Variants in NARS2 observed in about 807,000 individuals in gnomAD.
NARS2 encodes the protein asparaginyl-tRNA synthetase.
In NARS2, 60 loss-of-function variants were observed where a neutral mutation model predicts 62.9. The observed-to-expected ratio is 0.95, with a 90% CI of 0.77 to 1.18. The LOEUF (loss-of-function observed/expected upper bound fraction) is 1.18. NARS2 is among the 50% of genes most tolerant of loss of function. NARS2 has a pLI of 0.00. For synonymous variants in NARS2, 196 were observed against 200.0 expected, an observed-to-expected ratio of 0.98 and a Z score of 0.17; for missense variants, 619 against 576.4, an observed-to-expected ratio of 1.07 and a Z score of -0.76.
chr11:78,439,162 G>A (rs890138268), intron 13 of NARS2, among the ~76,000 whole-genome samples: 1 of 151,694 alleles, frequency 6.6e-6, no homozygotes, highest in East Asian at 1.9e-4. Flanking sequence ...CTCAGCCTCC[G>A]GAGTAGCTGG....
intron 6 of NARS2, among the ~76,000 whole-genome samples, chr11:78,523,733 C>T (rs1355410145): frequency 6.6e-6 from 1 of 152,138 alleles, no homozygotes; most frequent in Admixed American, 6.5e-5. Flanking sequence ...CTGTGTGATT[C>T]TATCTATATA....
intron 5 of NARS2, among the ~76,000 whole-genome samples, chr11:78,554,057 C>T (rs867985119): frequency 6.6e-5 from 10 of 152,072 alleles, no homozygotes; most frequent in East Asian, 5.8e-4. Flanking sequence ...CATAGATGTG[C>T]GGCCTTATTT....
chr11:78,436,951 CCA>C, intron 13 of NARS2, 137 bp from the exon 14 acceptor site: 1 of 797,272 alleles, frequency 1.3e-6, no homozygotes, highest in Admixed American at 2.7e-5. Flanking sequence ...TCTTTCCCCT[CCA>C]CAGACAGACA....
At chr11:78,499,774 G>C (rs1860214967) in intron 6 of NARS2, among the ~76,000 whole-genome samples, 1 of 152,174 alleles carries the variant, frequency 6.6e-6, no homozygotes, top group African/African-American at 2.4e-5. Flanking sequence ...CTTCATTCCT[G>C]CAACAATGGA....
At chr11:78,532,124 T>C (rs1861502274) in intron 5 of NARS2, among the ~76,000 whole-genome samples, 2 of 152,214 alleles carry the variant, frequency 1.3e-5, no homozygotes, top group African/African-American at 4.8e-5. Context: ...GATTGTAATC[T>C]TAAATTTGTA....
At chr11:78,441,570 G>T (rs1857577335) in intron 12 of NARS2, among the ~76,000 whole-genome samples, 2 of 152,100 alleles carry the variant, frequency 1.3e-5, no homozygotes, top group South Asian at 4.1e-4. Context: ...AATTAGCTGG[G>T]TGTGGTGGTG....
intron 10 of NARS2, 133 bp from the exon 11 acceptor site, chr11:78,466,146 G>C: frequency 1.2e-6 from 1 of 858,608 alleles, no homozygotes; most frequent in Non-Finnish European, 1.8e-6. Context: ...TAGCTGCTAA[G>C]GTTACACAGC....
intron 10 of NARS2, among the ~76,000 whole-genome samples, chr11:78,467,786 T>C (rs1858685067): frequency 6.6e-6 from 1 of 152,078 alleles, no homozygotes; most frequent in Non-Finnish European, 1.5e-5. Flanking sequence ...TATGATAATC[T>C]GTTACACAAT....
rs184118063 is a variant in NARS2 at position 78,436,470 on chromosome 11, C to T, written c.*200G>A. 13 of 585,416 alleles carry T rather than the reference C, an allele frequency of 2.2e-5. No homozygotes were observed. Among genetic ancestry groups the T allele is most frequent in the East Asian group, 1.7e-4 (6 of 34,580 alleles). The allele number at this position is 585,416 out of a possible 1,614,324, so 36.3% of individuals were successfully genotyped here. A position where few individuals can be genotyped will look rare whatever the true frequency, so the allele number is the denominator to read the frequency against. On this transcript the variant is annotated 3_prime_UTR_variant, in exon 14 of 14. Transcript: ENST00000281038. ...CCCTTGCTATAAGTACCTCTTCTTG[C>T]GGGAGCTCATCCTTACGTGAAATAC...
intron 7 of NARS2, 29 bp from the exon 8 acceptor site, chr11:78,478,712 C>T (rs770924309): frequency 7.0e-7 from 1 of 1,434,540 alleles, no homozygotes; most frequent in Non-Finnish European, 9.6e-7. Flanking sequence ...AATCACCTGA[C>T]ACGTAAGCAA....
intron 5 of NARS2, among the ~76,000 whole-genome samples, chr11:78,554,740 C>T: frequency 6.6e-6 from 1 of 152,176 alleles, no homozygotes; most frequent in Non-Finnish European, 1.5e-5. Flanking sequence ...GACTTCCTCT[C>T]TTCCTATTTA....
intron 6 of NARS2, among the ~76,000 whole-genome samples, chr11:78,521,789 C>CAA (rs58282524): frequency 0.012 from 1,098 of 95,398 alleles, 51 homozygotes; most frequent in African/African-American, 0.027. Flanking sequence ...GACTCCGTCT[C>CAA]AAAAAAAAAA....
At chr11:78,447,012 A>T (rs1857784459) in intron 11 of NARS2, among the ~76,000 whole-genome samples, 1 of 151,238 alleles carries the variant, frequency 6.6e-6, no homozygotes, top group South Asian at 2.1e-4. Context: ...TAACGTGATT[A>T]AAAAAAGGTA....
At position 78,465,392 on chromosome 11, in the gene NARS2, A is replaced by C. The variant is rs967239988; in HGVS notation, c.1164+484T>G. 7.2e-5 allele frequency among the ~76,000 whole-genome samples: 11 copies of C among 152,244 alleles called. No homozygotes were observed. The East Asian group carries it at 2.1e-3, about 29-fold the overall frequency. On this transcript the variant is annotated intron_variant, in intron 11 of 13. Coordinates refer to ENST00000281038, the MANE Select transcript of NARS2 (RefSeq NM_024678.6). ...CTGAAGGGCTCCTCAAGTGCCGCCA[A>C]AGTGGGCGCCAAGGCCGAGGAGGCG... is the stretch of plus-strand genomic sequence containing the variant.
chr11:78,574,790 G>T lies in NARS2; in HGVS notation c.-302C>A, dbSNP rs372312973. 4.2e-5 allele frequency: 15 copies of T among 356,470 alleles called. No homozygotes were observed. In the East Asian group the frequency reaches 7.7e-4, roughly 18 times the overall value. 22.1% of individuals were successfully genotyped at this position (356,470 alleles called of 1,614,324 possible). On this transcript the variant is annotated 5_prime_UTR_variant, in exon 1 of 14. Coordinates refer to ENST00000281038, the MANE Select transcript of NARS2 (RefSeq NM_024678.6). ...CTACCCGCGACAATTGTAAACCTAC[G>T]AACAGAACCCGGGCCGCAACACGCG...
At chr11:78,506,386 G>A (rs1040845613) in intron 6 of NARS2, among the ~76,000 whole-genome samples, 1 of 152,156 alleles carries the variant, frequency 6.6e-6, no homozygotes, top group Non-Finnish European at 1.5e-5. Context: ...AATTTTCAGA[G>A]AGCTTCATCA....
At chr11:78,573,350 A>C (rs1346667911) in intron 1 of NARS2, 2 of 152,332 alleles carry the variant, frequency 1.3e-5, no homozygotes, top group Non-Finnish European at 2.9e-5. Context: ...CAGCCTGGGC[A>C]ATACAGTGAG....
intron 9 of NARS2, among the ~76,000 whole-genome samples, chr11:78,470,848 A>G (rs1170337851): frequency 6.6e-6 from 1 of 151,664 alleles, no homozygotes; most frequent in Non-Finnish European, 1.5e-5. Flanking sequence ...GGTTGCTTGT[A>G]AATTACAGGT....
At chr11:78,520,449 T>C (rs139165031) in intron 6 of NARS2, among the ~76,000 whole-genome samples, 2 of 152,304 alleles carry the variant, frequency 1.3e-5, no homozygotes, top group Admixed American at 1.3e-4. Flanking sequence ...CACACCCTAA[T>C]CCAGTATGAC....
Sources: allele counts gnomAD v4.1 joint callset (sites outside exome capture counted in the v4.1 genomes callset), GRCh38; gene constraint gnomAD v4.1.1; transcripts MANE v1.5; gene names NCBI Gene and HGNC (gene_info 2026-07-23, HGNC 2026-07-21).